FBXW11: variants seen among roughly 807,000 people sequenced by gnomAD.
The protein encoded by FBXW11 is F-box and WD repeat domain containing 11, also known as F-box/WD repeat-containing protein 11.
A neutral mutation model predicts 77.6 loss-of-function variants in FBXW11; 19 were observed. That is an observed-to-expected ratio of 0.24 (90% CI 0.17 to 0.36). The LOEUF (loss-of-function observed/expected upper bound fraction) is 0.36. FBXW11 is among the 10% of genes least tolerant of loss of function. FBXW11 has a pLI of 1.00. For synonymous variants in FBXW11, 235 were observed against 249.4 expected (o/e 0.94, Z 0.54); for missense variants, 334 against 704.2 (o/e 0.47, Z 5.95).
intron 7 of FBXW11, among the ~76,000 whole-genome samples, chr5:171,886,338 CG>C (rs1179043893): frequency 6.7e-6 from 1 of 150,276 alleles, no homozygotes; most frequent in Non-Finnish European, 1.5e-5. Context: ...AACCAAACAC[CG>C]CATGTTCTCA....
intron 10 of FBXW11, 135 bp downstream of exon 10, chr5:171,872,737 T>C: frequency 2.9e-6 from 2 of 682,576 alleles, no homozygotes; most frequent in Non-Finnish European, 5.2e-6. Flanking sequence ...CAAATACATT[T>C]CTAAAAGTTA....
intron 13 of FBXW11, chr5:171,867,930 T>C (rs1561628297): frequency 6.6e-6 from 1 of 152,246 alleles, no homozygotes; most frequent in Non-Finnish European, 1.5e-5. Context: ...ATACTGTTCC[T>C]AAGTCATCAG....
chr5:171,939,279 T>C (rs985065643), intron 2 of FBXW11, among the ~76,000 whole-genome samples: 1 of 151,864 alleles, frequency 6.6e-6, no homozygotes, highest in Non-Finnish European at 1.5e-5. Context: ...GAAAGAGAGA[T>C]GTAATACATC....
chr5:171,951,972 T>C (rs1290571124), intron 2 of FBXW11, among the ~76,000 whole-genome samples: 2 of 152,198 alleles, frequency 1.3e-5, no homozygotes, highest in East Asian at 3.8e-4. Flanking sequence ...TTTGTGTGTT[T>C]AGCTATTTCT....
chr5:171,979,184 G>T (rs1004216110), intron 1 of FBXW11, among the ~76,000 whole-genome samples: 1 of 152,118 alleles, frequency 6.6e-6, no homozygotes, highest in Non-Finnish European at 1.5e-5. Flanking sequence ...AGCCAGTCAT[G>T]GTGTTGCATG....
At chr5:171,935,255 C>A (rs951496847) in intron 2 of FBXW11, among the ~76,000 whole-genome samples, 1 of 152,198 alleles carries the variant, frequency 6.6e-6, no homozygotes, top group African/African-American at 2.4e-5. Context: ...CCGCGCCCAG[C>A]CGGTAGCGTG....
intron 7 of FBXW11, among the ~76,000 whole-genome samples, chr5:171,886,522 T>C (rs946723860): frequency 5.3e-5 from 8 of 151,612 alleles, no homozygotes; most frequent in Non-Finnish European, 8.8e-5. Context: ...TGTATACATA[T>C]GTAACAAACC....
intron 4 of FBXW11, among the ~76,000 whole-genome samples, chr5:171,905,108 C>T (rs1209319675): frequency 6.6e-6 from 1 of 152,118 alleles, no homozygotes; most frequent in Non-Finnish European, 1.5e-5. Context: ...GACCTATTTC[C>T]TTTGTCTGAT....
rs185279048 is a variant in FBXW11, at chr5:171,961,603, T to A, written c.46-3905A>T. ...GATAAAAATAAAAGTTCCACATTCA[T>A]CAACCTAAGAGCATTAAATTACAGC... On this transcript the variant is annotated intron_variant, in intron 1 of 13. Transcript: ENST00000517395. 1.6e-3 allele frequency among the ~76,000 whole-genome samples: 242 copies of A among 152,186 alleles called. 1 individual carries two copies. Among genetic ancestry groups the A allele is most frequent in the African/African-American group, 5.5e-3 (229 of 41,510 alleles).
At chr5:171,963,745 A>C (rs1403291299) in intron 1 of FBXW11, among the ~76,000 whole-genome samples, 1 of 152,200 alleles carries the variant, frequency 6.6e-6, no homozygotes, top group Admixed American at 6.5e-5. Flanking sequence ...ACATCAAGCC[A>C]AAGCCAAGCC....
intron 2 of FBXW11, among the ~76,000 whole-genome samples, chr5:171,914,919 G>A (rs896266197): frequency 4.6e-5 from 7 of 152,176 alleles, no homozygotes; most frequent in African/African-American, 1.4e-4. Context: ...CAAGCATAGC[G>A]GGTGCCCCAA....
intron 2 of FBXW11, among the ~76,000 whole-genome samples, chr5:171,947,122 C>G (rs1052794787): frequency 5.9e-5 from 9 of 152,094 alleles, no homozygotes; most frequent in Admixed American, 2.0e-4. Flanking sequence ...CCGTTTTACT[C>G]ATTTTCTTTC....
intron 4 of FBXW11, among the ~76,000 whole-genome samples, chr5:171,909,638 C>T (rs1426245305): frequency 6.6e-6 from 1 of 152,012 alleles, no homozygotes; most frequent in African/African-American, 2.4e-5. Context: ...TCAAACTGCT[C>T]TAAAAATATA....
intron 1 of FBXW11, among the ~76,000 whole-genome samples, chr5:171,958,508 A>G (rs932984419): frequency 2.9e-4 from 44 of 152,226 alleles, no homozygotes; most frequent in African/African-American, 1.1e-3. Context: ...AAAACATTGG[A>G]ACGTCATGAT....
intron 6 of FBXW11, among the ~76,000 whole-genome samples, chr5:171,892,551 A>G (rs1759426591): frequency 6.6e-6 from 1 of 152,222 alleles, no homozygotes; most frequent in Non-Finnish European, 1.5e-5. Flanking sequence ...GATCAGTAAC[A>G]ATTCCAAAAG....
In FBXW11 at chr5:171,890,856, T is replaced by A. The variant is rs1446404845; in HGVS notation, c.852+611A>T. Among the ~76,000 whole-genome samples, 5 of 152,188 alleles carry A rather than the reference T, an allele frequency of 3.3e-5. 1 individual carries two copies. The highest frequency in any genetic ancestry group is 2.0e-4 in the Admixed American group (3 of 15,278). On this transcript the variant is annotated intron_variant, in intron 7 of 13. Transcript: ENST00000517395. ...GTGATTTTTGTAACAGTTATACATGTCTGTGTGTTTATCAAAATTCACAGA... is the reference window on the plus strand; with the variant it reads ...GTGATTTTTGTAACAGTTATACATGACTGTGTGTTTATCAAAATTCACAGA...
rs181784165 is a variant in FBXW11 at position 172,002,764 on chromosome 5, C to T, written c.45+3694G>A. Among the ~76,000 whole-genome samples the T allele has an allele frequency of 3.4e-3, 441 of 129,190 alleles. 2 individuals are homozygous for T. Among genetic ancestry groups the T allele is most frequent in the Non-Finnish European group, 4.5e-3 (290 of 64,902 alleles). 84.8% of individuals were successfully genotyped at this position (129,190 alleles called of 152,430 possible). ...CCAGGCTGGAGTGCAGTGGCACAAT[C>T]ACAGGTCACTGCAACCTCAAACTCC... On this transcript the variant is annotated intron_variant, in intron 1 of 13. Coordinates refer to ENST00000517395, the MANE Select transcript of FBXW11 (RefSeq NM_001378974.1).
At chr5:171,948,234 C>CAAAAAAA (rs765248373) in intron 2 of FBXW11, among the ~76,000 whole-genome samples, 2 of 44,338 alleles carry the variant, frequency 4.5e-5, no homozygotes, top group Non-Finnish European at 5.0e-5. Flanking sequence ...GACTCCAACT[C>CAAAAAAA]AAAAAAAAAA....
chr5:171,866,794 C>T (rs995211644), intron 13 of FBXW11, among the ~76,000 whole-genome samples: 2 of 152,148 alleles, frequency 1.3e-5, no homozygotes, highest in African/African-American at 2.4e-5. Flanking sequence ...TCAAGAGATC[C>T]TTGTCTCCTT....
Sources: allele counts gnomAD v4.1 joint callset (sites outside exome capture counted in the v4.1 genomes callset), GRCh38; gene constraint gnomAD v4.1.1; transcripts MANE v1.5; gene names NCBI Gene and HGNC (gene_info 2026-07-23, HGNC 2026-07-21).